CTBP2: variants seen among roughly 807,000 people sequenced by gnomAD.
CTBP2 encodes C-terminal binding protein 2, also known as C-terminal-binding protein 2.
A neutral mutation model predicts 80.3 loss-of-function variants in CTBP2; 30 were observed. That is an observed-to-expected ratio of 0.37 (90% confidence interval 0.28 to 0.51). The LOEUF is 0.51. Ranked by LOEUF, CTBP2 falls within the 20% of genes least tolerant of loss-of-function variation. The pLI, the probability that CTBP2 is intolerant of heterozygous loss-of-function variation, is 0.93. For missense variants in CTBP2, 1,212 were observed against 1,375.3 expected (o/e 0.88, Z 1.88); for synonymous variants, 594 against 587.4 (o/e 1.01, Z -0.16).
At position 125,079,444 on chromosome 10, in the gene CTBP2, A is replaced by G. The variant is rs112239678; in HGVS notation, c.-102+31546T>C. Reference sequence around the variant, plus strand: ...TTCCAAACTTAAAATCTAGGGATTCAGTCCTGCGAATGCCATACTCCGCAT... The same window carrying G: ...TTCCAAACTTAAAATCTAGGGATTCGGTCCTGCGAATGCCATACTCCGCAT... On this transcript the variant is annotated intron_variant, in intron 2 of 10. Transcript: ENST00000337195. 1.9e-3 allele frequency among the ~76,000 whole-genome samples: 285 copies of G among 152,334 alleles called. 1 individual carries two copies. Among genetic ancestry groups the G allele is most frequent in the African/African-American group, 6.4e-3 (265 of 41,562 alleles).
In CTBP2 at chr10:125,098,764, G is replaced by GAGAC. The variant is rs1564914911; in HGVS notation, c.-102+12225_-102+12226insGTCT. On this transcript the variant is annotated intron_variant, in intron 2 of 10. Transcript: ENST00000337195. ...AGAGAGAGAGACAGAGAGAGAGAGA[G>GAGAC]AGAGAGAGAGAGAGACAGAGAGAGA... 3.9e-4 allele frequency among the ~76,000 whole-genome samples: 41 copies of GAGAC among 105,418 alleles called. 3 individuals are homozygous for GAGAC. Among genetic ancestry groups the GAGAC allele is most frequent in the African/African-American group, 8.8e-4 (19 of 21,636 alleles). The allele number at this position is 105,418 out of a possible 152,430, so 69.2% of individuals were successfully genotyped here.
chr10:125,142,132 G>T (rs1337580041), intron 1 of CTBP2, among the ~76,000 whole-genome samples: 1 of 152,192 alleles, frequency 6.6e-6, no homozygotes, highest in Non-Finnish European at 1.5e-5. Context: ...AGGGGACGGG[G>T]GCGGTTTGCC....
intron 1 of CTBP2, among the ~76,000 whole-genome samples, chr10:125,143,068 T>G (rs1435738485): frequency 2.0e-5 from 3 of 152,152 alleles, no homozygotes; most frequent in East Asian, 1.9e-4. Context: ...AATCCACCAC[T>G]GTTTTGCTGA....
upstream of CTBP2, among the ~76,000 whole-genome samples, chr10:125,031,314 C>T (rs1242816572): frequency 6.6e-6 from 1 of 151,624 alleles, no homozygotes; most frequent in African/African-American, 2.4e-5. Context: ...CATGGCGAAA[C>T]CCTGTCTCTA....
At chr10:125,136,177 G>A (rs1343490442) in intron 1 of CTBP2, among the ~76,000 whole-genome samples, 1 of 152,206 alleles carries the variant, frequency 6.6e-6, no homozygotes, top group Non-Finnish European at 1.5e-5. Context: ...GAGAACGAAG[G>A]GGCTGGAGGG....
rs553177093 is a variant in CTBP2, at chr10:125,027,161, G to A, written c.599C>T (p.Ala200Val). The A allele has an allele frequency of 9.3e-6, 15 of 1,604,906 alleles. No homozygotes were observed. The highest frequency in any genetic ancestry group is 1.7e-4 in the Middle Eastern group (1 of 6,030). ...GCTGAGGGGGTAGGCAGGCACCTCCGCCCCATACCTGGTGTCGGGCTGCTC... is the reference window on the plus strand; with the variant it reads ...GCTGAGGGGGTAGGCAGGCACCTCCACCCCATACCTGGTGTCGGGCTGCTC... Residue 200 changes from alanine to valine, a missense_variant, in exon 1 of 9, where the codon GCG (alanine) becomes GTG (valine). Ala to Val is a moderately conservative substitution (Grantham distance 64, BLOSUM62 0). This residue lies in a region of CTBP2 where 848 missense variants were observed against 782.3 expected (regional missense o/e 1.08). Coordinates refer to ENST00000309035, the MANE Select transcript of CTBP2 (RefSeq NM_022802.3).
chr10:125,151,315 G>A (rs551354829), intron 1 of CTBP2, among the ~76,000 whole-genome samples: 2 of 152,236 alleles, frequency 1.3e-5, no homozygotes, highest in East Asian at 3.9e-4. Context: ...TTCAGGTGTT[G>A]GGAGCCGCCG....
intron 1 of CTBP2, among the ~76,000 whole-genome samples, chr10:125,021,569 G>A (rs746007383): frequency 2.0e-5 from 3 of 152,102 alleles, no homozygotes; most frequent in African/African-American, 7.2e-5. Context: ...ACCAAGATGC[G>A]AATACTTCAG....
intron 2 of CTBP2, among the ~76,000 whole-genome samples, chr10:125,103,967 C>A (rs904568042): frequency 1.3e-5 from 2 of 152,176 alleles, no homozygotes; most frequent in Non-Finnish European, 2.9e-5. Context: ...ACCCTACCCA[C>A]GACAACAAAG....
At chr10:124,998,590 G>C in intron 3 of CTBP2, 1 of 228,742 alleles carries the variant, frequency 4.4e-6, no homozygotes, top group Non-Finnish European at 8.7e-6. Context: ...GGAGCTGGCA[G>C]GGTGACAAAG....
At chr10:125,157,774 T>C (rs1398049949) in intron 1 of CTBP2, among the ~76,000 whole-genome samples, 1 of 152,222 alleles carries the variant, frequency 6.6e-6, no homozygotes, top group East Asian at 1.9e-4. Flanking sequence ...GGCAAGTGCA[T>C]TCACGGCTAA....
intron 2 of CTBP2, among the ~76,000 whole-genome samples, chr10:125,078,515 C>CTTT (rs71029237): frequency 2.0e-5 from 3 of 146,836 alleles, no homozygotes; most frequent in African/African-American, 7.5e-5. Context: ...CTTCCACAGC[C>CTTT]TTTTTTTTTT....
At chr10:125,096,962 T>G (rs1564909445) in intron 2 of CTBP2, among the ~76,000 whole-genome samples, 1 of 152,218 alleles carries the variant, frequency 6.6e-6, no homozygotes, top group East Asian at 1.9e-4. Context: ...GTATCTGTAA[T>G]GAAAAAATAG....
At chr10:125,116,633 G>C (rs563657128) in intron 1 of CTBP2, among the ~76,000 whole-genome samples, 1 of 152,224 alleles carries the variant, frequency 6.6e-6, no homozygotes, top group African/African-American at 2.4e-5. Context: ...CCCTCTCCTA[G>C]CCTGACACTC....
intron 1 of CTBP2, among the ~76,000 whole-genome samples, chr10:125,025,550 AAC>A (rs1425756080): frequency 6.6e-6 from 1 of 152,240 alleles, no homozygotes; most frequent in Non-Finnish European, 1.5e-5. Flanking sequence ...CAAGTATGCA[AAC>A]ACACACATTT....
chr10:125,099,646 CTT>C lies in CTBP2; in HGVS notation c.-102+11342_-102+11343del, dbSNP rs572887956. ...AACAAGTTTGTATGGAAAATAAGCT[CTT>C]GAGTTGTCAAAAACCCATGGCTAAA... On this transcript the variant is annotated intron_variant, in intron 2 of 10. Transcript: ENST00000337195. Among the ~76,000 whole-genome samples the C allele has an allele frequency of 8.5e-5, 13 of 152,376 alleles. No homozygotes were observed. The East Asian group carries it at 1.9e-3, about 23-fold the overall frequency.
intron 1 of CTBP2, among the ~76,000 whole-genome samples, chr10:125,012,822 C>G (rs980957636): frequency 2.0e-5 from 3 of 152,134 alleles, no homozygotes; most frequent in Admixed American, 2.0e-4. Context: ...TCAGGTGATC[C>G]GCCCGCCTCG....
chr10:125,109,795 C>G (rs1852010306), intron 2 of CTBP2, among the ~76,000 whole-genome samples: 1 of 152,246 alleles, frequency 6.6e-6, no homozygotes, highest in Admixed American at 6.5e-5. Context: ...GGTACCAGCC[C>G]AATCCACCTG....
chr10:125,085,328 C>G (rs1439162375), intron 2 of CTBP2, among the ~76,000 whole-genome samples: 1 of 152,220 alleles, frequency 6.6e-6, no homozygotes, highest in Non-Finnish European at 1.5e-5. Flanking sequence ...ATTTAAGCAG[C>G]TGAGAAAAGA....
Sources: allele counts gnomAD v4.1 joint callset (sites outside exome capture counted in the v4.1 genomes callset), GRCh38; gene constraint gnomAD v4.1.1; regional missense constraint gnomAD v4.1.1; transcripts MANE v1.5; gene names NCBI Gene and HGNC (gene_info 2026-07-23, HGNC 2026-07-21).